PHKA1: variants seen among roughly 807,000 people sequenced by gnomAD.
PHKA1 encodes the protein phosphorylase b kinase regulatory subunit alpha, skeletal muscle isoform.
Under a neutral mutation model 110.2 loss-of-function variants are expected in PHKA1, and 60 were observed. That is an observed-to-expected ratio of 0.54 (90% CI 0.44 to 0.68). The LOEUF is 0.68. PHKA1 is among the 30% of genes least tolerant of loss of function. PHKA1 has a pLI of 0.00. For missense variants in PHKA1, 801 were observed against 942.5 expected, an observed-to-expected ratio of 0.85 and a Z score of 1.97; for synonymous variants, 316 against 333.6, an observed-to-expected ratio of 0.95 and a Z score of 0.58.
chrX:72,602,144 A>C lies in PHKA1; in HGVS notation c.3033+14T>G. ...ATGGCAATATCCCAGCTAATCTCCCAGGTAGTATCTTACCTGCTTTATCTC... is the reference window on the plus strand; with the variant it reads ...ATGGCAATATCCCAGCTAATCTCCCCGGTAGTATCTTACCTGCTTTATCTC... On this transcript the variant is annotated intron_variant, in intron 27 of 31. Coordinates refer to ENST00000373542, the MANE Select transcript of PHKA1 (RefSeq NM_002637.4). 8.9e-7 allele frequency: 1 copy of C among 1,125,653 alleles called. No individual in the cohort carries two copies. Among genetic ancestry groups the C allele is most frequent in the Middle Eastern group, 2.4e-4 (1 of 4,179 alleles). 92.8% of individuals were successfully genotyped at this position (1,125,653 alleles called of 1,213,427 possible). A position where few individuals can be genotyped will look rare whatever the true frequency, so the allele number is the denominator to read the frequency against.
chrX:72,622,670 T>TC (rs782038072), intron 18 of PHKA1: 14 of 742,589 alleles, frequency 1.9e-5, no homozygotes, highest in Non-Finnish European at 2.2e-5. Context: ...TACACAGACC[T>TC]CCCCAGAGAT....
intron 13 of PHKA1, among the ~76,000 whole-genome samples, chrX:72,648,619 C>A (rs1007493813): frequency 1.6e-4 from 18 of 110,942 alleles, no homozygotes; most frequent in Admixed American, 8.7e-4. Context: ...TCAGAAAATG[C>A]AGACTGTAAC....
chrX:72,649,033 A>G (rs1383950411), intron 13 of PHKA1, among the ~76,000 whole-genome samples: 2 of 112,101 alleles, frequency 1.8e-5, no homozygotes, highest in Non-Finnish European at 3.8e-5. Context: ...TCTTCAAAGA[A>G]TGAATTAGAG....
chrX:72,682,172 TG>T (rs2053897569), intron 5 of PHKA1, among the ~76,000 whole-genome samples: 1 of 78,130 alleles, frequency 1.3e-5, no homozygotes, highest in African/African-American at 4.8e-5. Context: ...GGAGCCCCTC[TG>T]CCCGGCCAGC....
intron 14 of PHKA1, 89 bp from the exon 15 acceptor site, chrX:72,636,475 T>C (rs2053231792): frequency 1.9e-6 from 1 of 538,049 alleles, no homozygotes; most frequent in Admixed American, 2.5e-5. Flanking sequence ...TACACACACA[T>C]ACACAATGTA....
Position 72,714,274 on chromosome X carries a change from G to A in PHKA1, c.-394C>T. The stretch of plus-strand genomic sequence containing the variant: ...CCAACAGGTCAACGACCGCTGCGCC[G>A]CCTCCACCTTGCGGGAGACGCGAGC... On this transcript the variant is annotated 5_prime_UTR_variant, in exon 1 of 32. Transcript: ENST00000373542. 1 of 142,224 alleles carries A rather than the reference G, an allele frequency of 7.0e-6. No homozygotes were observed. The highest frequency in any genetic ancestry group is 1.4e-5 in the Non-Finnish European group (1 of 73,263). The allele number at this position is 142,224 out of a possible 1,213,427, so 11.7% of individuals were successfully genotyped here. A position where few individuals can be genotyped will look rare whatever the true frequency, so the allele number is the denominator to read the frequency against.
chrX:72,593,964 G>A (rs967830643), intron 28 of PHKA1, among the ~76,000 whole-genome samples: 6 of 111,655 alleles, frequency 5.4e-5, no homozygotes, highest in Admixed American at 2.8e-4. Flanking sequence ...GAAATCATAC[G>A]AAGTATGTTC....
chrX:72,668,057 A>T (rs1243901274), intron 6 of PHKA1, among the ~76,000 whole-genome samples: 1 of 112,218 alleles, frequency 8.9e-6, no homozygotes, highest in East Asian at 2.7e-4. Context: ...CTATTTTGAC[A>T]TACTATTATC....
chrX:72,601,408 G>A (rs1055758206), intron 28 of PHKA1, among the ~76,000 whole-genome samples: 1 of 111,110 alleles, frequency 9.0e-6, no homozygotes, highest in Non-Finnish European at 1.9e-5. Flanking sequence ...GCCAAGTGGT[G>A]GAAAATTACT....
intron 28 of PHKA1, among the ~76,000 whole-genome samples, chrX:72,600,907 C>T (rs782302739): frequency 9.0e-6 from 1 of 111,724 alleles, no homozygotes; most frequent in Non-Finnish European, 1.9e-5. Flanking sequence ...TTTCACCACT[C>T]CTCTTCTGGG....
intron 16 of PHKA1, among the ~76,000 whole-genome samples, chrX:72,632,085 A>G (rs1467979790): frequency 1.8e-5 from 2 of 111,731 alleles, no homozygotes; most frequent in African/African-American, 6.5e-5. Context: ...GTATCTGGCA[A>G]TATCGTTTGT....
In PHKA1 at chrX:72,667,414, T is replaced by A. The variant is rs781916169; in HGVS notation, c.678A>T (p.Ser226=). ...DLFGVKGGPQ[S]VIHVLADEVQ... ...CTTCATCAGCCAGGACATGGATAAC[T>A]GATTGAGGCCCACCTTTCACACCAA... Residue 226 remains serine (S), a synonymous_variant, in exon 7 of 32, where the codon TCA becomes TCT. Transcript: ENST00000373542. The A allele has an allele frequency of 8.3e-7, 1 of 1,208,933 alleles. No individual in the cohort carries two copies. Among genetic ancestry groups the A allele is most frequent in the African/African-American group, 1.7e-5 (1 of 57,232 alleles).
At chrX:72,643,779 C>T (rs1031278444) in intron 14 of PHKA1, among the ~76,000 whole-genome samples, 7 of 111,432 alleles carry the variant, frequency 6.3e-5, no homozygotes, top group Middle Eastern at 4.7e-3. Context: ...TTTATAGGTT[C>T]CAGGAATTAG....
rs2054426246 is a variant in PHKA1, at chrX:72,714,000, C to T, written c.-120G>A. ...CGTGGTGGGACGCCTGAACACCAGG[C>T]CCCGCAGAGCCCTCCCACCGCTCAG... On this transcript the variant is annotated 5_prime_UTR_variant, in exon 1 of 32. Coordinates refer to ENST00000373542, the MANE Select transcript of PHKA1 (RefSeq NM_002637.4). The T allele has an allele frequency of 5.3e-6, 3 of 562,024 alleles. No homozygotes were observed. Among genetic ancestry groups the T allele is most frequent in the Admixed American group, 2.7e-5 (1 of 37,544 alleles). The allele number at this position is 562,024 out of a possible 1,213,427, so 46.3% of individuals were successfully genotyped here.
Position 72,601,326 on chromosome X carries a change from A to C in PHKA1, c.3072+665T>G, listed in dbSNP as rs782510424. On this transcript the variant is annotated intron_variant, in intron 28 of 31. Transcript: ENST00000373542. ...TTGTTAATAGGTACAGAACCATTGCAATGAGGTCTTGCAGTAAGGGAGAGA... is the reference window on the plus strand; with the variant it reads ...TTGTTAATAGGTACAGAACCATTGCCATGAGGTCTTGCAGTAAGGGAGAGA... Among the ~76,000 whole-genome samples, 4 of 111,992 alleles carry C rather than the reference A, an allele frequency of 3.6e-5. No individual in the cohort carries two copies. The East Asian group carries it at 1.1e-3, about 31-fold the overall frequency.
chrX:72,666,333 G>A (rs1404386159), intron 7 of PHKA1, 36 bp from the exon 8 acceptor site: 1 of 1,121,709 alleles, frequency 8.9e-7, no homozygotes, highest in Non-Finnish European at 1.2e-6. Flanking sequence ...ATAAAAGGAT[G>A]TATTTCTTCT....
intron 29 of PHKA1, among the ~76,000 whole-genome samples, chrX:72,588,605 C>CA (rs2052469615): frequency 9.0e-6 from 1 of 110,976 alleles, no homozygotes; most frequent in African/African-American, 3.3e-5. Flanking sequence ...GACAGAGACA[C>CA]AAAAAACCCT....
intron 22 of PHKA1, among the ~76,000 whole-genome samples, chrX:72,610,730 A>T (rs1351621267): frequency 9.0e-6 from 1 of 111,708 alleles, no homozygotes; most frequent in East Asian, 2.8e-4. Flanking sequence ...ACTAAGTTCC[A>T]TTCCCACTAA....
At chrX:72,705,146 A>ATG (rs1556331865) in intron 3 of PHKA1, 52 bp downstream of exon 3, 27 of 863,610 alleles carry the variant, frequency 3.1e-5, no homozygotes, top group Non-Finnish European at 4.1e-5. Flanking sequence ...AAGGGTAGAG[A>ATG]TACTATTACA....
Sources: allele counts gnomAD v4.1 joint callset (sites outside exome capture counted in the v4.1 genomes callset), GRCh38; gene constraint gnomAD v4.1.1; transcripts MANE v1.5; gene names NCBI Gene and HGNC (gene_info 2026-07-23, HGNC 2026-07-21).